The following MERTK variants were observed in gnomAD, a reference collection of about 807,000 sequenced individuals.
The protein encoded by MERTK is tyrosine-protein kinase Mer.
In MERTK, 69 loss-of-function variants were observed where a neutral mutation model predicts 99.3. The ratio of observed to expected loss-of-function variants is 0.70; its 90% CI spans 0.57 to 0.85. MERTK has a LOEUF of 0.85. MERTK is among the 40% of genes least tolerant of loss of function. The pLI, the probability that MERTK is intolerant of heterozygous loss-of-function variation, is 0.00. For missense variants in MERTK, 1,125 were observed against 1,249.4 expected (o/e 0.90, Z 1.50); for synonymous variants, 426 against 467.6 (o/e 0.91, Z 1.15).
At chr2:111,983,036 C>G (rs754574970) in intron 8 of MERTK, 43 bp downstream of exon 8, 1 of 1,611,366 alleles carries the variant, frequency 6.2e-7, no homozygotes, top group Non-Finnish European at 8.5e-7. Flanking sequence ...CATCTCCTTT[C>G]AACTTGCTGG....
At chr2:112,024,309 C>G (rs568670492) in intron 18 of MERTK, among the ~76,000 whole-genome samples, 3 of 152,320 alleles carry the variant, frequency 2.0e-5, no homozygotes, top group South Asian at 4.1e-4. Context: ...TGGGTCTTAG[C>G]AGGGTCTAAG....
Position 112,028,407 on chromosome 2 carries a change from C to T in MERTK, c.2543C>T (p.Ser848Leu). The change falls in exon 19 of 19, where the codon TCA becomes TTA. Residue 848 changes from serine (S) to leucine (L), a missense_variant. Physicochemically the swap from Ser to Leu is moderately radical, Grantham distance 145 (BLOSUM62 -2). Coordinates refer to ENST00000295408, the MANE Select transcript of MERTK (RefSeq NM_006343.3). ...GATCCCTTAGACCGCCCCACCTTTT[C>T]AGTATTGAGGCTGCAGCTAGAAAAA... The part of the protein sequence containing the change: ...RTDPLDRPTF[S>L]VLRLQLEKLL... 1 of 1,614,160 alleles carries T rather than the reference C, an allele frequency of 6.2e-7. No individual in the cohort carries two copies.
chr2:111,927,043 C>T (rs545212197), intron 1 of MERTK, among the ~76,000 whole-genome samples: 1 of 152,182 alleles, frequency 6.6e-6, no homozygotes, highest in Admixed American at 6.5e-5. Flanking sequence ...GGCCAGCCCA[C>T]AGCTGACCCA....
chr2:111,992,643 C>T (rs545119006), intron 8 of MERTK, among the ~76,000 whole-genome samples: 1 of 150,484 alleles, frequency 6.6e-6, no homozygotes, highest in African/African-American at 2.4e-5. Context: ...CCCAGCTACT[C>T]AGGAGGCTGA....
At chr2:111,944,046 C>T (rs905920287) in intron 2 of MERTK, among the ~76,000 whole-genome samples, 1 of 152,120 alleles carries the variant, frequency 6.6e-6, no homozygotes, top group Non-Finnish European at 1.5e-5. Flanking sequence ...TGCCCATAAT[C>T]CTAGCACTTT....
intron 1 of MERTK, among the ~76,000 whole-genome samples, chr2:111,915,839 A>G (rs901156357): frequency 6.6e-6 from 1 of 152,140 alleles, no homozygotes. Context: ...AGGTTGTAGT[A>G]AGCTGAGATT....
rs562316518 is a variant in MERTK, at chr2:112,007,011, A to G, written c.1868-1372A>G. On this transcript the variant is annotated intron_variant, in intron 13 of 18. Coordinates refer to ENST00000295408, the MANE Select transcript of MERTK (RefSeq NM_006343.3). ...ACGCAAATTCCCTAAGGCAAGCCAGACTTTTTATTTGTTTTTAATTGTGGC... is the reference window on the plus strand; with the variant it reads ...ACGCAAATTCCCTAAGGCAAGCCAGGCTTTTTATTTGTTTTTAATTGTGGC... 5.6e-5 allele frequency among the ~76,000 whole-genome samples: 6 copies of G among 106,412 alleles called. No individual in the cohort carries two copies. The East Asian group carries it at 1.2e-3, about 22-fold the overall frequency. 69.8% of individuals were successfully genotyped at this position (106,412 alleles called of 152,430 possible). A position where few individuals can be genotyped will look rare whatever the true frequency, so the allele number is the denominator to read the frequency against.
intron 2 of MERTK, chr2:111,940,503 G>A (rs1414580465): frequency 3.4e-6 from 2 of 589,138 alleles, no homozygotes; most frequent in Non-Finnish European, 6.7e-6. Flanking sequence ...CAACAGGCAA[G>A]CCCTCTTTTG....
At chr2:111,956,366 A>G (rs1380440502) in intron 4 of MERTK, among the ~76,000 whole-genome samples, 1 of 152,190 alleles carries the variant, frequency 6.6e-6, no homozygotes, top group South Asian at 2.1e-4. Flanking sequence ...TTTATATGCA[A>G]TAGTTACTAA....
chr2:111,966,697 A>G (rs1360506467), intron 5 of MERTK, among the ~76,000 whole-genome samples: 5 of 152,156 alleles, frequency 3.3e-5, no homozygotes, highest in Admixed American at 6.5e-5. Flanking sequence ...TGTAATTACT[A>G]TGGTATATGT....
chr2:111,927,545 G>A (rs536584210), intron 1 of MERTK, among the ~76,000 whole-genome samples: 9 of 152,250 alleles, frequency 5.9e-5, no homozygotes, highest in African/African-American at 2.2e-4. Context: ...GGTAGCACGA[G>A]CCTATAGTAC....
At chr2:111,963,642 T>G (rs1391524929) in intron 4 of MERTK, among the ~76,000 whole-genome samples, 1 of 152,290 alleles carries the variant, frequency 6.6e-6, no homozygotes, top group Admixed American at 6.5e-5. Flanking sequence ...AACCCTGAGT[T>G]GACACAGCAC....
intron 6 of MERTK, among the ~76,000 whole-genome samples, chr2:111,974,756 C>T (rs1423664033): frequency 3.0e-5 from 3 of 101,146 alleles, no homozygotes; most frequent in Non-Finnish European, 5.3e-5. Flanking sequence ...GCAAAGAGAG[C>T]GAAGGTCCAT....
intron 11 of MERTK, 27 bp from the exon 12 acceptor site, chr2:112,003,065 G>A (rs756107934): frequency 9.7e-7 from 1 of 1,034,138 alleles, no homozygotes; most frequent in Non-Finnish European, 1.5e-6. Context: ...GACAATTTTT[G>A]TACATACTAT....
At chr2:111,953,660 C>T (rs890458650) in intron 4 of MERTK, among the ~76,000 whole-genome samples, 2 of 152,290 alleles carry the variant, frequency 1.3e-5, no homozygotes, top group East Asian at 3.9e-4. Flanking sequence ...ATCGCAACCT[C>T]TGCCTCCAGG....
At chr2:111,968,099 G>A (rs1685392364) in intron 5 of MERTK, 38 bp from the exon 6 acceptor site, 2 of 1,287,570 alleles carry the variant, frequency 1.6e-6, no homozygotes, top group African/African-American at 1.8e-5. Flanking sequence ...AATTGTGTTT[G>A]TGTGTGTATG....
intron 7 of MERTK, among the ~76,000 whole-genome samples, chr2:111,976,308 G>A (rs945057775): frequency 1.3e-5 from 2 of 152,140 alleles, no homozygotes; most frequent in Non-Finnish European, 1.5e-5. Flanking sequence ...CAGGTTATGG[G>A]TCAGGACCCC....
intron 8 of MERTK, among the ~76,000 whole-genome samples, chr2:111,990,167 C>T (rs973672933): frequency 1.3e-5 from 2 of 152,026 alleles, no homozygotes; most frequent in Non-Finnish European, 2.9e-5. Context: ...TGGGGCACAC[C>T]GTTCTTTACA....
rs200935488 is a variant in MERTK, at chr2:111,944,942, A to G, written c.483-18A>G. On this transcript the variant is annotated intron_variant, in intron 2 of 18. Coordinates refer to ENST00000295408, the MANE Select transcript of MERTK (RefSeq NM_006343.3). ...AAGGGTAGTCACTGTAAATATCTTC[A>G]TGTGTTTTTCTTTGCAGCATAACCA... is the stretch of plus-strand genomic sequence containing the variant. 6.2e-6 allele frequency: 10 copies of G among 1,602,636 alleles called. No homozygotes were observed. Among genetic ancestry groups the G allele is most frequent in the Middle Eastern group, 3.3e-4 (2 of 6,034 alleles).
Sources: gnomAD v4.1 joint callset for allele counts (sites outside exome capture counted in the v4.1 genomes callset) on GRCh38, gnomAD v4.1.1 for gene constraint, MANE v1.5 for transcripts, NCBI Gene and HGNC (gene_info 2026-07-23, HGNC 2026-07-21) for gene names.